Variants in ABLIM3 observed in about 807,000 individuals in gnomAD.
ABLIM3 encodes the protein actin binding LIM protein family member 3.
ABLIM3 carries 61 observed loss-of-function variants against 109.5 expected under a neutral mutation model. The ratio of observed to expected loss-of-function variants is 0.56; its 90% CI spans 0.45 to 0.69. The LOEUF (loss-of-function observed/expected upper bound fraction) is 0.69, where lower values mean the gene tolerates loss of function less well. ABLIM3 is among the 30% of genes least tolerant of loss of function. The pLI, the probability that ABLIM3 is intolerant of heterozygous loss-of-function variation, is 0.00. For synonymous variants in ABLIM3, 300 were observed against 324.8 expected (o/e 0.92, Z 0.82); for missense variants, 796 against 889.5 (o/e 0.89, Z 1.34).
At chr5:149,153,994 AT>A (rs769423285) in intron 2 of ABLIM3, among the ~76,000 whole-genome samples, 1 of 152,214 alleles carries the variant, frequency 6.6e-6, no homozygotes, top group Non-Finnish European at 1.5e-5. Context: ...CATCTGCTTA[AT>A]TTTGTGCAAA....
intron 6 of ABLIM3, among the ~76,000 whole-genome samples, chr5:149,210,251 A>G (rs1759408881): frequency 6.6e-6 from 1 of 152,082 alleles, no homozygotes; most frequent in Non-Finnish European, 1.5e-5. Flanking sequence ...AAACCAGACA[A>G]CCTGGGTTTG....
chr5:149,207,370 C>A (rs1026192025), intron 6 of ABLIM3, among the ~76,000 whole-genome samples: 12 of 152,294 alleles, frequency 7.9e-5, no homozygotes, highest in African/African-American at 2.9e-4. Flanking sequence ...CCCCTTCTCT[C>A]CCTTCTGGTC....
At chr5:149,207,183 G>A in intron 6 of ABLIM3, 49 bp downstream of exon 6, 2 of 1,597,336 alleles carry the variant, frequency 1.3e-6, no homozygotes, top group Non-Finnish European at 1.7e-6. Context: ...TGCATTCTGT[G>A]AGGCCTGCCC....
At chr5:149,230,615 G>C in intron 8 of ABLIM3, 34 bp from the exon 9 acceptor site, 1 of 1,612,184 alleles carries the variant, frequency 6.2e-7, no homozygotes, top group Non-Finnish European at 8.5e-7. Flanking sequence ...GGGTTTGAAA[G>C]GTCTGAGTCT....
At position 149,259,681 on chromosome 5, in the gene ABLIM3, C is replaced by G; in HGVS notation, c.*1277C>G. ...CTGAACAGGGGAGAAAGCTTAACCT[C>G]TCTTCTCCTCTCCAAACCTTTCACC... On this transcript the variant is annotated 3_prime_UTR_variant, in exon 24 of 24. Transcript: ENST00000309868. 1 of 1,252,356 alleles carries G rather than the reference C, an allele frequency of 8.0e-7. No individual in the cohort carries two copies. The highest frequency in any genetic ancestry group is 1.1e-6 in the Non-Finnish European group (1 of 890,146). The allele number at this position is 1,252,356 out of a possible 1,614,324, so 77.6% of individuals were successfully genotyped here.
At chr5:149,221,817 A>T (rs957601029) in intron 8 of ABLIM3, among the ~76,000 whole-genome samples, 6 of 152,050 alleles carry the variant, frequency 3.9e-5, no homozygotes, top group African/African-American at 1.4e-4. Context: ...GGTTCATGAG[A>T]CAAATTTTGC....
chr5:149,181,146 A>G (rs116397837), intron 2 of ABLIM3, among the ~76,000 whole-genome samples: 2,333 of 152,342 alleles, frequency 0.015, 55 homozygotes, highest in African/African-American at 0.054. Context: ...TGGCAATGGT[A>G]GATCACCACA....
At chr5:149,173,653 T>C (rs1755649143) in intron 2 of ABLIM3, among the ~76,000 whole-genome samples, 1 of 152,056 alleles carries the variant, frequency 6.6e-6, no homozygotes. Context: ...GGCTTCCAGG[T>C]GGGGCTCATA....
intron 5 of ABLIM3, among the ~76,000 whole-genome samples, 179 bp from the exon 6 acceptor site, chr5:149,206,829 C>T (rs570894801): frequency 6.6e-6 from 1 of 151,878 alleles, no homozygotes; most frequent in Non-Finnish European, 1.5e-5. Flanking sequence ...TGTCAAGAGG[C>T]CAGGACTCCA....
At chr5:149,230,929 T>C (rs1435763690) in intron 9 of ABLIM3, among the ~76,000 whole-genome samples, 1 of 152,204 alleles carries the variant, frequency 6.6e-6, no homozygotes, top group Non-Finnish European at 1.5e-5. Context: ...TGTAAAGCAC[T>C]GTATTCATGA....
chr5:149,237,356 GT>G, intron 10 of ABLIM3, 91 bp from the exon 11 acceptor site: 1 of 1,312,550 alleles, frequency 7.6e-7, no homozygotes, highest in Non-Finnish European at 1.1e-6. Flanking sequence ...GGAGAAGTTT[GT>G]TCCTTCTGTA....
rs1040087340 is a variant in ABLIM3 at position 149,208,226 on chromosome 5, G to A, written c.575+1092G>A. Among the ~76,000 whole-genome samples the A allele has an allele frequency of 5.9e-5, 9 of 152,310 alleles. No homozygotes were observed. The South Asian group carries it at 1.4e-3, about 25-fold the overall frequency. On this transcript the variant is annotated intron_variant, in intron 6 of 23. Coordinates refer to ENST00000309868, the MANE Select transcript of ABLIM3 (RefSeq NM_014945.5). ...CCAACTCAATTAAAAGCAAAAATAGGAGTTTATTAACTCACAGAAATGGGA... is the reference window on the plus strand; with the variant it reads ...CCAACTCAATTAAAAGCAAAAATAGAAGTTTATTAACTCACAGAAATGGGA...
chr5:149,255,595 A>ATGCATGACATGT (rs1754357083), intron 23 of ABLIM3, among the ~76,000 whole-genome samples: 1 of 152,222 alleles, frequency 6.6e-6, no homozygotes, highest in African/African-American at 2.4e-5. Context: ...ACATGTAAGC[A>ATGCATGACATGT]AAGACTCGAA....
intron 3 of ABLIM3, among the ~76,000 whole-genome samples, chr5:149,184,697 C>T (rs1364805371): frequency 6.6e-6 from 1 of 152,118 alleles, no homozygotes; most frequent in African/African-American, 2.4e-5. Flanking sequence ...CCTGAGGAGC[C>T]GCTTCACACT....
At chr5:149,200,674 T>C (rs1440590049) in intron 5 of ABLIM3, 2 of 529,128 alleles carry the variant, frequency 3.8e-6, no homozygotes, top group Admixed American at 3.1e-5. Flanking sequence ...TGCCACATGG[T>C]ATGTCTCCTC....
chr5:149,224,792 C>A (rs1275636614), intron 8 of ABLIM3, among the ~76,000 whole-genome samples: 3 of 152,204 alleles, frequency 2.0e-5, no homozygotes, highest in Admixed American at 1.3e-4. Context: ...AATCCTCAAA[C>A]CAAACCTATG....
chr5:149,251,597 C>T (rs554338776), intron 21 of ABLIM3, among the ~76,000 whole-genome samples, 178 bp downstream of exon 21: 44 of 152,300 alleles, frequency 2.9e-4, no homozygotes, highest in South Asian at 8.3e-4. Flanking sequence ...CCTGCTCTTC[C>T]GTTATCCTCT....
Position 149,185,636 on chromosome 5 carries a change from A to C in ABLIM3, c.151+2047A>C, listed in dbSNP as rs1384567950. Among the ~76,000 whole-genome samples, 2 of 152,164 alleles carry C rather than the reference A, an allele frequency of 1.3e-5. 1 individual carries two copies. The highest frequency in any genetic ancestry group is 1.3e-4 in the Admixed American group (2 of 15,268). ...TTTAAGGGGAAAAAAATAGACCAAT[A>C]TTTTTCTGAATATTTTCAATGTCCG... On this transcript the variant is annotated intron_variant, in intron 3 of 23. Transcript: ENST00000309868.
rs912028981 is a variant in ABLIM3, at chr5:149,239,235, C to T, written c.1045-13C>T. 6.2e-7 allele frequency: 1 copy of T among 1,613,884 alleles called. No homozygotes were observed. The highest frequency in any genetic ancestry group is 8.5e-7 in the Non-Finnish European group (1 of 1,179,892). ...CTCGTTCCACAACTGCCTTCAAACTCTTCACTTCTAAGTCGCTGGGAACAT... is the reference window on the plus strand; with the variant it reads ...CTCGTTCCACAACTGCCTTCAAACTTTTCACTTCTAAGTCGCTGGGAACAT... On this transcript the variant is annotated splice_polypyrimidine_tract_variant and intron_variant, in intron 11 of 23. Coordinates refer to ENST00000309868, the MANE Select transcript of ABLIM3 (RefSeq NM_014945.5).
Sources: gnomAD v4.1 joint callset for allele counts (sites outside exome capture counted in the v4.1 genomes callset) on GRCh38, gnomAD v4.1.1 for gene constraint, MANE v1.5 for transcripts, NCBI Gene and HGNC (gene_info 2026-07-23, HGNC 2026-07-21) for gene names.